POLR1C: variants seen among roughly 807,000 people sequenced by gnomAD.
The protein encoded by POLR1C is DNA-directed RNA polymerases I and III subunit RPAC1.
Under a neutral mutation model 38.3 loss-of-function variants are expected in POLR1C, and 42 were observed. The observed-to-expected ratio is 1.10, with a 90% CI of 0.86 to 1.42. POLR1C has a LOEUF of 1.42. Ranked by LOEUF, POLR1C falls within the 40% of genes most tolerant of loss-of-function variation. The pLI is 0.00. For missense variants in POLR1C, 507 were observed against 450.5 expected (o/e 1.13, Z -1.14); for synonymous variants, 163 against 163.9 (o/e 0.99, Z 0.04).
chr6:43,537,152 T>A (rs1256997048), intron 9 of POLR1C, among the ~76,000 whole-genome samples: 1 of 151,506 alleles, frequency 6.6e-6, no homozygotes, highest in Non-Finnish European at 1.5e-5. Context: ...TTTTTTTTTT[T>A]TTTTGTAGAG....
intron 9 of POLR1C, among the ~76,000 whole-genome samples, chr6:43,538,139 CTTTTTTT>C (rs1160662301): frequency 8.6e-4 from 42 of 48,946 alleles, no homozygotes; most frequent in South Asian, 2.6e-3. Context: ...TAAGAGACAT[CTTTTTTT>C]TTTTTTTTTT....
downstream of POLR1C, chr6:43,524,715 C>CA: frequency 6.3e-7 from 1 of 1,587,332 alleles, no homozygotes; most frequent in Non-Finnish European, 8.6e-7. Context: ...ACCCATTTCT[C>CA]AGAGATTGCA....
chr6:43,529,909 CAAA>C (rs1191727799), downstream of POLR1C, among the ~76,000 whole-genome samples: 19 of 97,536 alleles, frequency 1.9e-4, no homozygotes, highest in Non-Finnish European at 3.7e-4. Context: ...GACCCTGTCT[CAAA>C]AAAAAAAAAA....
In POLR1C at chr6:43,520,681, G is replaced by C. The variant is rs1275359131; in HGVS notation, c.712G>C (p.Asp238His). ...VATASYRLLP[D>H]ITLLEPVEGE... is the part of the protein sequence containing the mutation. ...AACAGCCAGTTACAGGCTCCTGCCAGACATCACCCTGCTTGAGCCCGTGGA... is the reference window on the plus strand; with the variant it reads ...AACAGCCAGTTACAGGCTCCTGCCACACATCACCCTGCTTGAGCCCGTGGA... Residue 238 changes from aspartate to histidine, a missense_variant, in exon 7 of 9, where the codon GAC becomes CAC. Transcript: ENST00000642195. 6.2e-7 allele frequency: 1 copy of C among 1,614,168 alleles called. No homozygotes were observed. The highest frequency in any genetic ancestry group is 1.7e-5 in the Admixed American group (1 of 60,014).
At chr6:43,539,523 T>A (rs1794565349) in intron 9 of POLR1C, 1 of 1,526,438 alleles carries the variant, frequency 6.6e-7, no homozygotes, top group African/African-American at 1.4e-5. Context: ...GTGACGGGCA[T>A]CCACTCCTTA....
chr6:43,553,442 C>T, intron 10 of POLR1C: 6 of 1,596,654 alleles, frequency 3.8e-6, no homozygotes, highest in Non-Finnish European at 5.1e-6. Context: ...CTTCCCACTG[C>T]ACGAATGAAG....
chr6:43,558,435 C>T (rs879102312), intron 10 of POLR1C: 1 of 1,407,918 alleles, frequency 7.1e-7, no homozygotes. Flanking sequence ...CACCATGCAC[C>T]ATGATTCATA....
downstream of POLR1C, chr6:43,522,420 A>C (rs569392632): frequency 2.8e-4 from 45 of 159,418 alleles, no homozygotes; most frequent in Admixed American, 2.1e-3. Flanking sequence ...AACAATAGAA[A>C]ATTTCTAGCA....
rs181667063 is a variant in POLR1C at position 43,527,518 on chromosome 6, A to G, written c.923-1731A>G. On this transcript the variant is annotated intron_variant, in intron 8 of 8. Coordinates refer to the POLR1C transcript ENST00000304004. ...TGATCTTTTGACCTCGCAATCCACC[A>G]TGCCCGCCGCAAACATGAATCCTTT... 1.2e-5 allele frequency: 12 copies of G among 1,007,936 alleles called. No homozygotes were observed. The Admixed American group carries it at 1.7e-4, about 14-fold the overall frequency. 62.4% of individuals were successfully genotyped at this position (1,007,936 alleles called of 1,614,324 possible).
chr6:43,541,375 C>T (rs563102493), intron 9 of POLR1C, among the ~76,000 whole-genome samples: 8 of 152,074 alleles, frequency 5.3e-5, no homozygotes, highest in Non-Finnish European at 1.2e-4. Context: ...TCTTATGTAC[C>T]CCATAAATAT....
At chr6:43,545,733 A>C (rs886582896) in intron 9 of POLR1C, among the ~76,000 whole-genome samples, 18 of 150,928 alleles carry the variant, frequency 1.2e-4, no homozygotes, top group Non-Finnish European at 2.2e-4. Context: ...CAAAAAAAAA[A>C]CCAATCCTGT....
At chr6:43,560,247 C>T in intron 10 of POLR1C, 1 of 1,612,228 alleles carries the variant, frequency 6.2e-7, no homozygotes, top group Non-Finnish European at 8.5e-7. Context: ...GATCACGGGA[C>T]AGGATTTCAT....
exon 11 of POLR1C, chr6:43,561,959 T>G: frequency 8.0e-6 from 2 of 250,442 alleles, no homozygotes; most frequent in Non-Finnish European, 1.5e-5. Context: ...CTCAGCAGAT[T>G]GAGGTTCTGT....
downstream of POLR1C, chr6:43,531,684 C>T: frequency 1.1e-6 from 1 of 934,542 alleles, no homozygotes; most frequent in Non-Finnish European, 1.7e-6. Flanking sequence ...GTGTGCATGT[C>T]TGGTGCTGTA....
At chr6:43,560,876 T>C (rs370156105) in intron 10 of POLR1C, 85 of 1,427,536 alleles carry the variant, frequency 6.0e-5, no homozygotes, top group African/African-American at 4.1e-4. Flanking sequence ...GTGCTTGACA[T>C]TGGTTCACCT....
intron 10 of POLR1C, chr6:43,558,704 G>A (rs939865219): frequency 1.3e-6 from 1 of 762,052 alleles, no homozygotes; most frequent in Non-Finnish European, 2.1e-6. Flanking sequence ...GCGTTTGCAT[G>A]AGATATTGTA....
intron 10 of POLR1C, among the ~76,000 whole-genome samples, chr6:43,557,554 CAAA>C (rs1308179482): frequency 2.6e-5 from 4 of 151,846 alleles, no homozygotes; most frequent in Non-Finnish European, 5.9e-5. Context: ...TCAGAATAGG[CAAA>C]ACAGAGACAG....
chr6:43,559,692 ACT>A (rs1268517412), intron 10 of POLR1C, among the ~76,000 whole-genome samples: 1 of 152,238 alleles, frequency 6.6e-6, no homozygotes, highest in African/African-American at 2.4e-5. Flanking sequence ...TATATTAAGT[ACT>A]CTCATATGGA....
intron 8 of POLR1C, chr6:43,528,049 A>G (rs967546586): frequency 8.9e-5 from 100 of 1,128,228 alleles, no homozygotes; most frequent in Non-Finnish European, 1.2e-4. Context: ...AATGACTACA[A>G]CCTACTGCTC....
Sources: gnomAD v4.1 joint callset for allele counts (sites outside exome capture counted in the v4.1 genomes callset) on GRCh38, gnomAD v4.1.1 for gene constraint, MANE v1.5 for transcripts, NCBI Gene and HGNC (gene_info 2026-07-23, HGNC 2026-07-21) for gene names.